HS3ST4: variants seen among roughly 807,000 people sequenced by gnomAD.
The protein encoded by HS3ST4 is heparan sulfate glucosamine 3-O-sulfotransferase 4.
Under a neutral mutation model 29.2 loss-of-function variants are expected in HS3ST4, and 17 were observed. The ratio of observed to expected loss-of-function variants is 0.58; its 90% CI spans 0.40 to 0.87. The LOEUF (loss-of-function observed/expected upper bound fraction) is 0.87, where lower values mean the gene tolerates loss of function less well. Among genes scored for constraint, HS3ST4 ranks in the 40% least tolerant of loss-of-function variants. The pLI, the probability that HS3ST4 is intolerant of heterozygous loss-of-function variation, is 0.00. For missense variants in HS3ST4, 627 were observed against 634.5 expected, an observed-to-expected ratio of 0.99 and a Z score of 0.13; for synonymous variants, 314 against 285.7, an observed-to-expected ratio of 1.10 and a Z score of -1.00.
intron 1 of HS3ST4, among the ~76,000 whole-genome samples, chr16:25,756,993 A>G (rs1966762128): frequency 6.6e-6 from 1 of 152,154 alleles, no homozygotes; most frequent in African/African-American, 2.4e-5. Flanking sequence ...GAGGGAAGGT[A>G]CCTAGCCATG....
At chr16:25,910,262 GC>G (rs1300414500) in intron 1 of HS3ST4, among the ~76,000 whole-genome samples, 28 of 152,288 alleles carry the variant, frequency 1.8e-4, no homozygotes, top group African/African-American at 6.5e-4. Flanking sequence ...AATATTTTGG[GC>G]TTTGGCGGTC....
At chr16:25,717,510 G>T (rs1393683715) in intron 1 of HS3ST4, among the ~76,000 whole-genome samples, 2 of 132,830 alleles carry the variant, frequency 1.5e-5, no homozygotes, top group Non-Finnish European at 3.2e-5. Flanking sequence ...AAGGTGAAGG[G>T]GTGTGTGTGT....
intron 1 of HS3ST4, among the ~76,000 whole-genome samples, chr16:25,932,559 G>T (rs1187617190): frequency 6.6e-6 from 1 of 152,050 alleles, no homozygotes; most frequent in Non-Finnish European, 1.5e-5. Flanking sequence ...ATCCCCATGT[G>T]ACATGTTATT....
At chr16:25,818,293 A>C (rs1490050399) in intron 1 of HS3ST4, among the ~76,000 whole-genome samples, 1 of 152,202 alleles carries the variant, frequency 6.6e-6, no homozygotes, top group African/African-American at 2.4e-5. Context: ...TGCCCTAATA[A>C]AGGGGCTGAA....
intron 1 of HS3ST4, among the ~76,000 whole-genome samples, chr16:25,854,530 C>G (rs1053850701): frequency 1.3e-5 from 2 of 152,114 alleles, no homozygotes; most frequent in Non-Finnish European, 2.9e-5. Flanking sequence ...GACCTCCTAT[C>G]TCATCCTGTG....
rs1596694871 is a variant in HS3ST4 at position 26,136,452 on chromosome 16, C to G, written c.*204C>G. Reference sequence around the variant, plus strand: ...ATCCCCATGGAGGAACCAGGCCCATCTGGGCAGCAGCATCTGGTTGACCAG... The same window carrying G: ...ATCCCCATGGAGGAACCAGGCCCATGTGGGCAGCAGCATCTGGTTGACCAG... On this transcript the variant is annotated 3_prime_UTR_variant, in exon 2 of 2. Transcript: ENST00000331351. 1 of 594,874 alleles carries G rather than the reference C, an allele frequency of 1.7e-6. No homozygotes were observed. 36.8% of individuals were successfully genotyped at this position (594,874 alleles called of 1,614,324 possible). A position where few individuals can be genotyped will look rare whatever the true frequency, so the allele number is the denominator to read the frequency against.
At chr16:25,768,386 C>G (rs1457928106) in intron 1 of HS3ST4, among the ~76,000 whole-genome samples, 1 of 152,210 alleles carries the variant, frequency 6.6e-6, no homozygotes, top group African/African-American at 2.4e-5. Context: ...TTAGATCCCT[C>G]TCTTCTCTAC....
At chr16:25,794,320 T>C (rs559378395) in intron 1 of HS3ST4, among the ~76,000 whole-genome samples, 10 of 152,270 alleles carry the variant, frequency 6.6e-5, no homozygotes, top group Middle Eastern at 3.4e-3. Context: ...ATTTAATCTT[T>C]CTTTATTTCT....
chr16:25,912,157 T>C (rs1431829177), intron 1 of HS3ST4, among the ~76,000 whole-genome samples: 1 of 152,166 alleles, frequency 6.6e-6, no homozygotes, highest in East Asian at 1.9e-4. Context: ...GAAGTGTGTG[T>C]AGAGATAGTC....
intron 1 of HS3ST4, among the ~76,000 whole-genome samples, chr16:25,860,572 A>G (rs1406973442): frequency 6.6e-6 from 1 of 152,182 alleles, no homozygotes; most frequent in Non-Finnish European, 1.5e-5. Context: ...CCATGAAAAG[A>G]TATGAAGGAA....
intron 1 of HS3ST4, among the ~76,000 whole-genome samples, chr16:26,084,195 G>A (rs542410010): frequency 1.3e-5 from 2 of 152,162 alleles, no homozygotes; most frequent in African/African-American, 4.8e-5. Context: ...TCCTTCAGAT[G>A]TCTATGAGTG....
At chr16:25,931,092 G>A (rs1356143453) in intron 1 of HS3ST4, among the ~76,000 whole-genome samples, 1 of 151,990 alleles carries the variant, frequency 6.6e-6, no homozygotes, top group African/African-American at 2.4e-5. Flanking sequence ...TTTCAATATA[G>A]AGTTTTGCTC....
chr16:25,809,132 G>T (rs778628500), intron 1 of HS3ST4, among the ~76,000 whole-genome samples: 1 of 151,944 alleles, frequency 6.6e-6, no homozygotes, highest in African/African-American at 2.4e-5. Flanking sequence ...GTACTATATT[G>T]AATAAGAGTG....
chr16:26,133,883 G>T (rs910780469), intron 1 of HS3ST4, among the ~76,000 whole-genome samples: 1 of 152,226 alleles, frequency 6.6e-6, no homozygotes, highest in Non-Finnish European at 1.5e-5. Flanking sequence ...CCACTTTGGT[G>T]CAAGGCTCAG....
chr16:25,771,807 G>A (rs1401713848), intron 1 of HS3ST4, among the ~76,000 whole-genome samples: 2 of 152,218 alleles, frequency 1.3e-5, no homozygotes, highest in Admixed American at 1.3e-4. Flanking sequence ...TTGAGTGAAT[G>A]AGTCTGTGTT....
In HS3ST4 at chr16:25,856,406, A is replaced by G. The variant is rs571934373; in HGVS notation, c.734+163255A>G. Among the ~76,000 whole-genome samples, 76 of 152,154 alleles carry G rather than the reference A, an allele frequency of 5.0e-4. 1 individual carries two copies. The South Asian group carries it at 7.1e-3, about 14-fold the overall frequency. On this transcript the variant is annotated intron_variant, in intron 1 of 1. Transcript: ENST00000331351. ...TGAGTTCAGTCACTAGTGGACAATG[A>G]TTTCATCAGTTATGCCTGCATTAAG...
At chr16:26,032,548 A>G in intron 1 of HS3ST4, 8 of 1,450,230 alleles carry the variant, frequency 5.5e-6, no homozygotes, top group Non-Finnish European at 7.7e-6. Context: ...TTCACTTGGC[A>G]TCTCCAGCAC....
chr16:25,828,240 TTCTCTTTCTTTCTTTC>T (rs1967242848), intron 1 of HS3ST4, among the ~76,000 whole-genome samples: 10 of 59,734 alleles, frequency 1.7e-4, no homozygotes, highest in South Asian at 5.2e-4. Context: ...CTTTCTTTCT[TTCTCTTTCTTTCTTTC>T]TTTCTTTCTT....
intron 1 of HS3ST4, among the ~76,000 whole-genome samples, chr16:25,936,582 T>A (rs944258886): frequency 6.6e-6 from 1 of 152,194 alleles, no homozygotes; most frequent in Non-Finnish European, 1.5e-5. Context: ...GAGTAATTAA[T>A]AAAGATCATA....
Sources: allele counts gnomAD v4.1 joint callset (sites outside exome capture counted in the v4.1 genomes callset), GRCh38; gene constraint gnomAD v4.1.1; transcripts MANE v1.5; gene names NCBI Gene and HGNC (gene_info 2026-07-23, HGNC 2026-07-21).